The following TAF1 variants were observed in gnomAD, a reference collection of about 807,000 sequenced individuals.
TAF1 encodes the protein transcription initiation factor TFIID subunit 1.
A neutral mutation model predicts 138.5 loss-of-function variants in TAF1; 2 were observed. The ratio of observed to expected loss-of-function variants is 0.01; its 90% CI spans 0.01 to 0.05. The LOEUF is 0.05. Ranked by LOEUF, TAF1 falls within the 10% of genes least tolerant of loss-of-function variation. The pLI, the probability that TAF1 is intolerant of heterozygous loss-of-function variation, is 1.00. For synonymous variants in TAF1, 437 were observed against 503.2 expected (o/e 0.87, Z 1.76); for missense variants, 709 against 1,478.0 (o/e 0.48, Z 8.53).
intron 26 of TAF1, 151 bp from the exon 27 acceptor site, chrX:71,407,423 G>T: frequency 2.2e-6 from 1 of 464,356 alleles, no homozygotes; most frequent in South Asian, 3.3e-5. Flanking sequence ...TCACCATGTT[G>T]CCCAGGCTGG....
chrX:71,409,657 A>G (rs2035663923), intron 28 of TAF1, among the ~76,000 whole-genome samples: 1 of 111,248 alleles, frequency 9.0e-6, no homozygotes, highest in Admixed American at 9.7e-5. Flanking sequence ...AACATGGGAT[A>G]GTAGTACTAC....
At chrX:71,494,599 A>G (rs1304458412) in intron 13 of TAF1, among the ~76,000 whole-genome samples, 1 of 111,879 alleles carries the variant, frequency 8.9e-6, no homozygotes, top group African/African-American at 3.2e-5. Flanking sequence ...CTGGAAGTAT[A>G]TCTTTCCAAG....
At chrX:71,372,974 A>G (rs1354167897) in intron 3 of TAF1, among the ~76,000 whole-genome samples, 1 of 105,952 alleles carries the variant, frequency 9.4e-6, no homozygotes, top group Non-Finnish European at 1.9e-5. Context: ...TTACGCCATT[A>G]TCCGGCCTCA....
chrX:71,421,257 C>G, intron 28 of TAF1, 52 bp from the exon 29 acceptor site: 19 of 1,086,095 alleles, frequency 1.7e-5, no homozygotes, highest in Non-Finnish European at 2.3e-5. Context: ...GAAGTGTTGG[C>G]AGCTTTTGCC....
chrX:71,468,102 T>C (rs755431378), downstream of TAF1, among the ~76,000 whole-genome samples: 27 of 107,709 alleles, frequency 2.5e-4, no homozygotes, highest in African/African-American at 7.8e-4. Flanking sequence ...ACTAAAAATA[T>C]AAAAATTAGC....
At chrX:71,467,642 G>T (rs1384041775), downstream of TAF1, among the ~76,000 whole-genome samples, 1 of 111,266 alleles carries the variant, frequency 9.0e-6, no homozygotes, top group Non-Finnish European at 1.9e-5. Context: ...ATAAATATTG[G>T]CAATTTCACA....
chrX:71,401,704 G>A lies in TAF1; in HGVS notation c.3963G>A (p.Gly1321=), dbSNP rs775123372. The change falls in exon 25 of 38, where the codon GGG becomes GGA. Residue 1321 remains glycine (G), a synonymous_variant. Transcript: ENST00000423759. ...ATGAAGAACTTATCAAGGTTGAAGG[G>A]ACCAAAATTGTCTTGGGGAAACAGC... ...NDNEELIKVE[G]TKIVLGKQLI... is the part of the protein sequence containing the mutation. The A allele has an allele frequency of 8.3e-7, 1 of 1,209,728 alleles. No homozygotes were observed. Among genetic ancestry groups the A allele is most frequent in the Non-Finnish European group, 1.1e-6 (1 of 895,239 alleles).
rs755055827 is a variant in TAF1, at chrX:71,492,662, C to T, written c.1366+31859C>T. ...CGGCTCCTAGCTGCGGATCAGGGCC[C>T]GCTGGGCGCAGGGTGGCACCCGCGG... On this transcript the variant is annotated intron_variant and NMD_transcript_variant, in intron 13 of 14. Transcript: ENST00000373775. 1.3e-3 allele frequency: 156 copies of T among 119,291 alleles called. 1 individual carries two copies. The highest frequency in any genetic ancestry group is 9.6e-3 in the South Asian group (31 of 3,229). 9.8% of individuals were successfully genotyped at this position (119,291 alleles called of 1,213,427 possible). A position where few individuals can be genotyped will look rare whatever the true frequency, so the allele number is the denominator to read the frequency against.
intron 32 of TAF1, among the ~76,000 whole-genome samples, chrX:71,426,485 G>A (rs2036595475): frequency 8.9e-6 from 1 of 111,868 alleles, no homozygotes; most frequent in South Asian, 3.7e-4. Context: ...GGAGGCCGAG[G>A]CCGGCGGATC....
At chrX:71,427,113 A>G (rs773254830) in intron 32 of TAF1, among the ~76,000 whole-genome samples, 1 of 112,325 alleles carries the variant, frequency 8.9e-6, no homozygotes, top group Admixed American at 9.5e-5. Context: ...AGAAATAAGC[A>G]TTCTGGGCAG....
chrX:71,421,524 A>G, intron 29 of TAF1, 148 bp downstream of exon 29: 1 of 477,760 alleles, frequency 2.1e-6, no homozygotes, highest in Non-Finnish European at 3.5e-6. Flanking sequence ...AGGGACTTAT[A>G]GAACTCATAG....
chrX:71,376,888 G>A, intron 4 of TAF1, 62 bp from the exon 5 acceptor site: 1 of 1,186,643 alleles, frequency 8.4e-7, no homozygotes, highest in Non-Finnish European at 1.1e-6. Context: ...GTGGGTGTTT[G>A]CGGAATTCGA....
Position 71,444,082 on chromosome X carries a change from A to C in TAF1, c.4754-10088A>C, listed in dbSNP as rs999086720. On this transcript the variant is annotated intron_variant, in intron 32 of 37. Coordinates refer to ENST00000423759, the MANE Select transcript of TAF1 (RefSeq NM_004606.5). ...GAGTACAGTGGCGCAATCTCGGCTC[A>C]CTGTAACCTTCGCCTCCCGGGTTTG... Among the ~76,000 whole-genome samples the C allele has an allele frequency of 5.4e-5, 6 of 110,936 alleles. No individual in the cohort carries two copies. The South Asian group carries it at 1.5e-3, about 28-fold the overall frequency.
rs2148417446 is a variant in TAF1 at position 71,398,641 on chromosome X, G to A, written c.3690G>A (p.Glu1230=). The A allele has an allele frequency of 1.7e-6, 2 of 1,211,628 alleles. No individual in the cohort carries two copies. Among genetic ancestry groups the A allele is most frequent in the African/African-American group, 1.7e-5 (1 of 57,775 alleles). Residue 1230 remains glutamate (E), a synonymous_variant, in exon 24 of 38, where the codon GAG becomes GAA. Coordinates refer to ENST00000423759, the MANE Select transcript of TAF1 (RefSeq NM_004606.5). Reference sequence around the variant, plus strand: ...GAAAAGAACGGCGGAGGATTCAAGAGCAACTGAGGCGGCTTAAGAGGAACC... The same window carrying A: ...GAAAAGAACGGCGGAGGATTCAAGAACAACTGAGGCGGCTTAAGAGGAACC... ...EMRKERRRIQ[E]QLRRLKRNQE...
At position 71,367,570 on chromosome X, in the gene TAF1, T is replaced by G; in HGVS notation, c.192T>G (p.Asn64Lys). 1 of 1,211,262 alleles carries G rather than the reference T, an allele frequency of 8.3e-7. No homozygotes were observed. The highest frequency in any genetic ancestry group is 1.8e-5 in the South Asian group (1 of 56,978). Residue 64 changes from asparagine (N) to lysine (K), a missense_variant, in exon 2 of 38, where the codon AAT (asparagine) becomes AAG (lysine). Transcript: ENST00000423759. Reference sequence around the variant, plus strand: ...GCCTGATCACTGAACTCACGGCAAATGAAGAATTGACCGGGACTGACGGTG... The same window carrying G: ...GCCTGATCACTGAACTCACGGCAAAGGAAGAATTGACCGGGACTGACGGTG... ...LGSLITELTA[N>K]EELTGTDGAL...
chrX:71,529,947 C>T, exon 15 of TAF1: 1 of 216,268 alleles, frequency 4.6e-6, no homozygotes, highest in Non-Finnish European at 8.7e-6. Context: ...GCAGAACTCC[C>T]ATAGGGTGTG....
chrX:71,420,413 A>G, intron 28 of TAF1: 1 of 1,210,295 alleles, frequency 8.3e-7, no homozygotes, highest in Non-Finnish European at 1.1e-6. Flanking sequence ...GGTTGACTGA[A>G]CCACAGCCAT....
At position 71,394,051 on chromosome X, in the gene TAF1, C is replaced by T. The variant is rs1168734774; in HGVS notation, c.3228-16C>T. 1 of 1,185,860 alleles carries T rather than the reference C, an allele frequency of 8.4e-7. No individual in the cohort carries two copies. The highest frequency in any genetic ancestry group is 1.8e-5 in the African/African-American group (1 of 56,294). Reference sequence around the variant, plus strand: ...TTTCTTTAGTTCTTTCTGCACATTGCTTTTTCTCTTTTTAGGGTTCTGTCA... The same window carrying T: ...TTTCTTTAGTTCTTTCTGCACATTGTTTTTTCTCTTTTTAGGGTTCTGTCA... On this transcript the variant is annotated splice_polypyrimidine_tract_variant and intron_variant, in intron 21 of 37. Coordinates refer to ENST00000423759, the MANE Select transcript of TAF1 (RefSeq NM_004606.5).
chrX:71,449,702 C>T (rs2148774533), intron 32 of TAF1, among the ~76,000 whole-genome samples: 1 of 112,231 alleles, frequency 8.9e-6, no homozygotes, highest in South Asian at 3.7e-4. Context: ...TAAGGAACTA[C>T]CGTTGTACAG....
Sources: gnomAD v4.1 joint callset for allele counts (sites outside exome capture counted in the v4.1 genomes callset) on GRCh38, gnomAD v4.1.1 for gene constraint, MANE v1.5 for transcripts, NCBI Gene and HGNC (gene_info 2026-07-23, HGNC 2026-07-21) for gene names.